Variants in SGCZ observed in about 807,000 individuals in gnomAD.
SGCZ encodes the protein zeta-sarcoglycan.
In SGCZ, 40 loss-of-function variants were observed where a neutral mutation model predicts 41.3. The ratio of observed to expected loss-of-function variants is 0.97; its 90% confidence interval spans 0.75 to 1.26. SGCZ has a LOEUF of 1.26. Ranked by LOEUF, SGCZ falls within the 50% of genes most tolerant of loss-of-function variation. The pLI, the probability that SGCZ is intolerant of heterozygous loss-of-function variation, is 0.00. For synonymous variants in SGCZ, 206 were observed against 137.5 expected (o/e 1.50, Z -3.49); for missense variants, 552 against 369.8 (o/e 1.49, Z -4.04).
intron 5 of SGCZ, among the ~76,000 whole-genome samples, chr8:14,108,494 C>T (rs541793471): frequency 1.1e-4 from 17 of 152,150 alleles, no homozygotes; most frequent in South Asian, 2.1e-4. Flanking sequence ...TCATACATCG[C>T]GGTGGCAAGA....
At chr8:14,964,475 C>A (rs1162957473) in intron 1 of SGCZ, among the ~76,000 whole-genome samples, 4 of 152,144 alleles carry the variant, frequency 2.6e-5, no homozygotes, top group Admixed American at 2.6e-4. Context: ...TGGGTTACCT[C>A]TAAAACAAAA....
chr8:14,322,571 A>G (rs1801960636), intron 3 of SGCZ, among the ~76,000 whole-genome samples: 1 of 152,058 alleles, frequency 6.6e-6, no homozygotes. Flanking sequence ...TAAATTCTAC[A>G]ACCTGCCTGC....
intron 1 of SGCZ, among the ~76,000 whole-genome samples, chr8:15,143,291 T>C (rs903473126): frequency 6.6e-6 from 1 of 152,206 alleles, no homozygotes; most frequent in Non-Finnish European, 1.5e-5. Flanking sequence ...CATTCTACCT[T>C]TTAGCCTAGC....
chr8:14,218,833 A>T (rs1806090051), intron 4 of SGCZ, among the ~76,000 whole-genome samples: 2 of 152,228 alleles, frequency 1.3e-5, no homozygotes, highest in East Asian at 1.9e-4. Flanking sequence ...TGGTCCAAGA[A>T]GTTTTGCCAA....
chr8:15,221,866 T>G (rs113236596), intron 1 of SGCZ, among the ~76,000 whole-genome samples: 1 of 152,166 alleles, frequency 6.6e-6, no homozygotes, highest in Non-Finnish European at 1.5e-5. Flanking sequence ...TGCTCAGTAC[T>G]TCAAAAAATA....
At chr8:15,124,906 C>G (rs536236359) in intron 1 of SGCZ, among the ~76,000 whole-genome samples, 6 of 151,414 alleles carry the variant, frequency 4.0e-5, no homozygotes, top group Admixed American at 1.3e-4. Flanking sequence ...GAAATCTGTA[C>G]AAAATTTTAT....
At chr8:14,251,207 A>T (rs1276735638) in intron 3 of SGCZ, among the ~76,000 whole-genome samples, 1 of 152,160 alleles carries the variant, frequency 6.6e-6, no homozygotes, top group East Asian at 1.9e-4. Context: ...CAGTCTGGGC[A>T]ACAGAGCGAG....
At chr8:15,061,529 A>T (rs911957197) in intron 1 of SGCZ, among the ~76,000 whole-genome samples, 4 of 123,446 alleles carry the variant, frequency 3.2e-5, no homozygotes, top group African/African-American at 7.3e-5. Context: ...CTTACAGTAT[A>T]TAAAAAAAAA....
chr8:14,675,805 A>G (rs938954979), intron 1 of SGCZ, among the ~76,000 whole-genome samples: 4 of 152,212 alleles, frequency 2.6e-5, no homozygotes, highest in Non-Finnish European at 4.4e-5. Flanking sequence ...AACAAGCAAG[A>G]TGAGCTCATT....
At chr8:15,119,342 A>T (rs1245622350) in intron 1 of SGCZ, among the ~76,000 whole-genome samples, 1 of 151,918 alleles carries the variant, frequency 6.6e-6, no homozygotes, top group Non-Finnish European at 1.5e-5. Flanking sequence ...GCCATCCTAG[A>T]CAATATGGTG....
chr8:14,560,864 C>G (rs1330290848), intron 1 of SGCZ, among the ~76,000 whole-genome samples: 1 of 146,044 alleles, frequency 6.8e-6, no homozygotes, highest in African/African-American at 2.5e-5. Flanking sequence ...GTGAAAAAAA[C>G]AAAACACAAA....
At chr8:15,205,324 A>G (rs1400066254) in intron 1 of SGCZ, among the ~76,000 whole-genome samples, 2 of 152,246 alleles carry the variant, frequency 1.3e-5, no homozygotes. Context: ...CAGACAACCT[A>G]CAGAATGGGA....
chr8:14,611,432 TA>T (rs1805926490), intron 1 of SGCZ, among the ~76,000 whole-genome samples: 1 of 152,176 alleles, frequency 6.6e-6, no homozygotes, highest in Non-Finnish European at 1.5e-5. Context: ...TTTCTGGGAA[TA>T]AAGATGTATC....
At chr8:14,686,647 G>C (rs1585182228) in intron 1 of SGCZ, among the ~76,000 whole-genome samples, 1 of 152,064 alleles carries the variant, frequency 6.6e-6, no homozygotes, top group African/African-American at 2.4e-5. Flanking sequence ...GGGTGCAATA[G>C]AGATTTCAGG....
chr8:14,226,367 C>G (rs188990820), intron 4 of SGCZ, among the ~76,000 whole-genome samples: 2 of 152,146 alleles, frequency 1.3e-5, no homozygotes, highest in East Asian at 3.9e-4. Context: ...TCAGAAAACT[C>G]TCTTGTGCTA....
intron 3 of SGCZ, among the ~76,000 whole-genome samples, chr8:14,289,357 A>G (rs933130899): frequency 3.3e-5 from 5 of 152,088 alleles, no homozygotes; most frequent in African/African-American, 9.7e-5. Context: ...ATCCAAAGTT[A>G]TGAATTAATA....
At chr8:14,845,892 G>A (rs888233164) in intron 1 of SGCZ, among the ~76,000 whole-genome samples, 2 of 152,022 alleles carry the variant, frequency 1.3e-5, no homozygotes, top group African/African-American at 2.4e-5. Flanking sequence ...AGCAAAAATG[G>A]CTACATTAAT....
chr8:14,794,277 C>A (rs535793797), intron 1 of SGCZ, among the ~76,000 whole-genome samples: 1 of 151,724 alleles, frequency 6.6e-6, no homozygotes, highest in Non-Finnish European at 1.5e-5. Flanking sequence ...TAGTAGGATG[C>A]AATAGAGAAG....
intron 1 of SGCZ, 115 bp downstream of exon 1, chr8:15,237,469 TC>T: frequency 1.6e-6 from 2 of 1,279,084 alleles, no homozygotes; most frequent in Non-Finnish European, 2.2e-6. Flanking sequence ...CAACGCCCCC[TC>T]GTCGTCCCGC....
Sources: gnomAD v4.1 joint callset for allele counts (sites outside exome capture counted in the v4.1 genomes callset) on GRCh38, gnomAD v4.1.1 for gene constraint, MANE v1.5 for transcripts, NCBI Gene and HGNC (gene_info 2026-07-23, HGNC 2026-07-21) for gene names.